CKAP2: variants seen among roughly 807,000 people sequenced by gnomAD.
CKAP2 encodes the protein cytoskeleton associated protein 2, also known as cytoskeleton-associated protein 2.
A neutral mutation model predicts 58.4 loss-of-function variants in CKAP2; 46 were observed. That is an observed-to-expected ratio of 0.79 (90% CI 0.62 to 1.01). The LOEUF is 1.01. Ranked by LOEUF, CKAP2 falls within the 50% of genes least tolerant of loss-of-function variation. The pLI is 0.00. For missense variants in CKAP2, 809 were observed against 796.4 expected, an observed-to-expected ratio of 1.02 and a Z score of -0.19; for synonymous variants, 293 against 280.9, an observed-to-expected ratio of 1.04 and a Z score of -0.43.
intron 6 of CKAP2, among the ~76,000 whole-genome samples, chr13:52,467,669 A>T (rs12875652): frequency 3.3e-5 from 5 of 152,166 alleles, no homozygotes; most frequent in Non-Finnish European, 5.9e-5. Flanking sequence ...AGATCGCACC[A>T]CTGCATTCCA....
chr13:52,456,340 AAC>A (rs1958479073), intron 1 of CKAP2, among the ~76,000 whole-genome samples, 181 bp from the exon 2 acceptor site: 1 of 152,238 alleles, frequency 6.6e-6, no homozygotes, highest in Admixed American at 6.5e-5. Flanking sequence ...CTGTTGTGGT[AAC>A]AGTCTCTTCT....
At chr13:52,465,914 T>TACACACATATATAC in intron 6 of CKAP2, 1 of 332,450 alleles carries the variant, frequency 3.0e-6, no homozygotes, top group Non-Finnish European at 5.9e-6. Context: ...TGTATATATA[T>TACACACATATATAC]ACACACATAT....
chr13:52,455,516 T>G lies in CKAP2; in HGVS notation c.-41T>G. 1 of 1,611,604 alleles carries G rather than the reference T, an allele frequency of 6.2e-7. No individual in the cohort carries two copies. Among genetic ancestry groups the G allele is most frequent in the Non-Finnish European group, 8.5e-7 (1 of 1,178,802 alleles). ...GCGGTGGTCTGAGGAAGTTCTATCT[T>G]GGCGCTAAAGCGGAGACGCATCCCC... On this transcript the variant is annotated 5_prime_UTR_variant, in exon 1 of 9. Transcript: ENST00000258607.
At chr13:52,472,014 T>C (rs1958767322) in intron 7 of CKAP2, among the ~76,000 whole-genome samples, 1 of 152,164 alleles carries the variant, frequency 6.6e-6, no homozygotes, top group South Asian at 2.1e-4. Context: ...TTCCATTTCC[T>C]GAAAGGTTTT....
chr13:52,474,960 C>T lies in CKAP2; in HGVS notation c.1868C>T (p.Pro623Leu). 6.2e-7 allele frequency: 1 copy of T among 1,613,784 alleles called. No homozygotes were observed. Among genetic ancestry groups the T allele is most frequent in the Non-Finnish European group, 8.5e-7 (1 of 1,179,762 alleles). ...SAFKELKFLT[P>L]VRRSRRLQEK... ...TTTAAAGAGCTGAAGTTTTTAACAC[C>T]AGTGAGACGTTCTCGACGTCTTCAA... Residue 623 changes from proline (P) to leucine (L), a missense_variant, in exon 9 of 9, where the codon CCA becomes CTA. Physicochemically the swap from Pro to Leu is moderately conservative, Grantham distance 98. Around this residue, in one of 3 missense-constraint regions of CKAP2, gnomAD observed 283 missense variants for 287.6 expected, o/e 0.98. Transcript: ENST00000258607.
intron 4 of CKAP2, 46 bp from the exon 5 acceptor site, chr13:52,462,317 C>T: frequency 6.6e-7 from 1 of 1,518,408 alleles, no homozygotes; most frequent in Non-Finnish European, 9.0e-7. Flanking sequence ...TGACAGAGTT[C>T]TGTCAGCAAT....
At chr13:52,460,146 A>G (rs920910208) in intron 2 of CKAP2, among the ~76,000 whole-genome samples, 3 of 152,194 alleles carry the variant, frequency 2.0e-5, no homozygotes, top group African/African-American at 7.2e-5. Context: ...GGCATGAGCC[A>G]CCACAACCAG....
At chr13:52,462,691 C>G in intron 5 of CKAP2, 124 bp downstream of exon 5, 2 of 703,072 alleles carry the variant, frequency 2.8e-6, no homozygotes, top group South Asian at 3.9e-5. Flanking sequence ...GTTGACTTAA[C>G]ATTAACTGTG....
chr13:52,465,737 A>G (rs1312002249), intron 6 of CKAP2: 1 of 526,716 alleles, frequency 1.9e-6, no homozygotes, highest in Non-Finnish European at 3.6e-6. Context: ...TTAGCATATT[A>G]TTGTATGCAT....
intron 4 of CKAP2, 133 bp from the exon 5 acceptor site, chr13:52,462,230 T>C: frequency 1.3e-6 from 1 of 753,354 alleles, no homozygotes; most frequent in Non-Finnish European, 2.1e-6. Flanking sequence ...ATGTTTAATA[T>C]TTCTTCAAGC....
intron 7 of CKAP2, among the ~76,000 whole-genome samples, chr13:52,470,080 T>C (rs1358207498): frequency 6.6e-6 from 1 of 152,090 alleles, no homozygotes; most frequent in East Asian, 1.9e-4. Context: ...TTTGATTAAT[T>C]TTAACAAGAG....
Position 52,475,384 on chromosome 13 carries a change from G to C in CKAP2, c.*243G>C. ...TTTTTCTTTAAGAAAGGTAAATTTT[G>C]TCAGCTAGTTTACTATGTTCCTTGA... On this transcript the variant is annotated 3_prime_UTR_variant, in exon 9 of 9. Transcript: ENST00000258607. 2.2e-6 allele frequency: 1 copy of C among 446,618 alleles called. No homozygotes were observed. The highest frequency in any genetic ancestry group is 4.2e-5 in the South Asian group (1 of 23,720). The allele number at this position is 446,618 out of a possible 1,614,324, so 27.7% of individuals were successfully genotyped here. A position where few individuals can be genotyped will look rare whatever the true frequency, so the allele number is the denominator to read the frequency against.
In CKAP2 at chr13:52,474,058, T is replaced by C. The variant is rs1958795131; in HGVS notation, c.1776T>C (p.Asn592=). The C allele has an allele frequency of 6.2e-7, 1 of 1,613,734 alleles. No individual in the cohort carries two copies. Residue 592 remains asparagine (N), a synonymous_variant, in exon 8 of 9, where the codon AAT becomes AAC. Coordinates refer to ENST00000258607, the MANE Select transcript of CKAP2 (RefSeq NM_018204.5). ...ETRTSCLIKY[N]VSTTPYLQSV... ...GGACAAGTTGCTTAATTAAATATAA[T>C]GTGTCTACTACGCCATACTTGCAAA...
chr13:52,455,920 C>CG (rs2137827576), intron 1 of CKAP2: 1 of 1,159,076 alleles, frequency 8.6e-7, no homozygotes, highest in South Asian at 3.3e-5. Context: ...GGGTCGGTGT[C>CG]GGAGACCCTG....
intron 7 of CKAP2, among the ~76,000 whole-genome samples, chr13:52,469,589 A>T (rs867005370): frequency 0.12 from 16,098 of 139,856 alleles, 1,380 homozygotes; most frequent in Non-Finnish European, 0.18. Context: ...TTATTTATTT[A>T]TTTATTTATT....
chr13:52,461,589 C>T lies in CKAP2; in HGVS notation c.763C>T (p.Pro255Ser). Residue 255 changes from proline to serine, a missense_variant, in exon 4 of 9, where the codon CCT becomes TCT. Transcript: ENST00000258607. Reference protein sequence around the residue: ...TSQNTQLVRPPIRSHHSNTRD... With the variant: ...TSQNTQLVRPSIRSHHSNTRD... ...TCAGAACACACAACTTGTGCGACCT[C>T]CTATTAGAAGTCATCACAGTAATAC... 1 of 1,614,166 alleles carries T rather than the reference C, an allele frequency of 6.2e-7. No homozygotes were observed. The highest frequency in any genetic ancestry group is 8.5e-7 in the Non-Finnish European group (1 of 1,180,024).
rs1566098525 is a variant in CKAP2, at chr13:52,461,106, G to A, written c.280G>A (p.Val94Met). 1 of 1,608,084 alleles carries A rather than the reference G, an allele frequency of 6.2e-7. No homozygotes were observed. Among genetic ancestry groups the A allele is most frequent in the Non-Finnish European group, 8.5e-7 (1 of 1,178,196 alleles). ...KRPAESKNNTVVGKHCIPLKP... is the reference protein window; with the variant it reads ...KRPAESKNNTMVGKHCIPLKP... ...ACCTGCAGAGAGCAAAAATAATACA[G>A]TGGTGGGGAAACATTGTATTCCTTT... Residue 94 changes from valine (V) to methionine (M), a missense_variant, in exon 4 of 9, where the codon GTG (valine) becomes ATG (methionine). By Grantham distance (21) the Val-to-Met change is conservative (BLOSUM62 1). Coordinates refer to ENST00000258607, the MANE Select transcript of CKAP2 (RefSeq NM_018204.5).
chr13:52,466,924 C>T (rs1301838948), intron 6 of CKAP2, among the ~76,000 whole-genome samples: 2 of 151,910 alleles, frequency 1.3e-5, no homozygotes, highest in Non-Finnish European at 2.9e-5. Flanking sequence ...GGTGAGACCC[C>T]CCATCTCTGC....
intron 7 of CKAP2, among the ~76,000 whole-genome samples, chr13:52,471,824 A>G (rs191169251): frequency 6.6e-6 from 1 of 152,328 alleles, no homozygotes; most frequent in Non-Finnish European, 1.5e-5. Context: ...AAGATGACCT[A>G]CACGCTTACC....
Sources: allele counts gnomAD v4.1 joint callset (sites outside exome capture counted in the v4.1 genomes callset), GRCh38; gene constraint gnomAD v4.1.1; regional missense constraint gnomAD v4.1.1; transcripts MANE v1.5; gene names NCBI Gene and HGNC (gene_info 2026-07-23, HGNC 2026-07-21).